Variants in ADAMTS18 observed in about 807,000 individuals in gnomAD.
The protein encoded by ADAMTS18 is A disintegrin and metalloproteinase with thrombospondin motifs 18.
In ADAMTS18, 157 loss-of-function variants were observed where a neutral mutation model predicts 165.9. That is an observed-to-expected ratio of 0.95 (90% CI 0.83 to 1.08). ADAMTS18 has a LOEUF of 1.08. ADAMTS18 is among the 50% of genes least tolerant of loss of function. The pLI is 0.00. For synonymous variants in ADAMTS18, 782 were observed against 578.2 expected (o/e 1.35, Z -5.06); for missense variants, 2,040 against 1,534.0 (o/e 1.33, Z -5.51).
At chr16:77,322,305 C>G in intron 14 of ADAMTS18, 31 bp downstream of exon 14, 1 of 1,612,670 alleles carries the variant, frequency 6.2e-7, no homozygotes, top group Non-Finnish European at 8.5e-7. Context: ...CAAGCATGCT[C>G]ATACACTCCA....
chr16:77,301,655 G>A (rs1456049319), intron 16 of ADAMTS18, among the ~76,000 whole-genome samples: 2 of 152,212 alleles, frequency 1.3e-5, no homozygotes, highest in Non-Finnish European at 2.9e-5. Context: ...TTTGGTGGGT[G>A]GCAGCTGTTC....
At chr16:77,349,525 A>T (rs867377343) in intron 10 of ADAMTS18, among the ~76,000 whole-genome samples, 1 of 38,398 alleles carries the variant, frequency 2.6e-5, no homozygotes, top group African/African-American at 1.4e-4. Flanking sequence ...CATCTTATGT[A>T]AAAAAAAAAA....
chr16:77,305,509 C>T (rs1040677983), intron 16 of ADAMTS18, among the ~76,000 whole-genome samples: 3 of 152,144 alleles, frequency 2.0e-5, no homozygotes, highest in Non-Finnish European at 4.4e-5. Flanking sequence ...AACCAAAGGG[C>T]GCTTCTAAGC....
intron 3 of ADAMTS18, among the ~76,000 whole-genome samples, chr16:77,409,003 T>C (rs762201981): frequency 1.1e-4 from 12 of 105,464 alleles, no homozygotes; most frequent in Admixed American, 5.2e-4. Flanking sequence ...AATCTCTTAC[T>C]GTGCCTAATT....
In ADAMTS18 at chr16:77,375,890, C is replaced by CTTTTTT. The variant is rs200629744; in HGVS notation, c.496-8173_496-8168dup. On this transcript the variant is annotated intron_variant, in intron 3 of 22. Coordinates refer to ENST00000282849, the MANE Select transcript of ADAMTS18 (RefSeq NM_199355.4). ...TTTTATGTCGTTTTTTCTTTCTTTC[C>CTTTTTT]TTTTTTTTTTTTTTTTTTTTTTTTT... Among the ~76,000 whole-genome samples, 129 of 93,872 alleles carry CTTTTTT rather than the reference C, an allele frequency of 1.4e-3. 3 individuals carry two copies. Among genetic ancestry groups the CTTTTTT allele is most frequent in the South Asian group, 4.4e-3 (10 of 2,280 alleles). The allele number at this position is 93,872 out of a possible 152,430, so 61.6% of individuals were successfully genotyped here.
intron 2 of ADAMTS18, among the ~76,000 whole-genome samples, chr16:77,433,173 C>A (rs1437709930): frequency 6.6e-6 from 1 of 152,168 alleles, no homozygotes; most frequent in Admixed American, 6.5e-5. Context: ...CTACCTTCTC[C>A]TTCTGTCAAA....
chr16:77,372,093 G>A (rs957715530), intron 3 of ADAMTS18, among the ~76,000 whole-genome samples: 2 of 152,126 alleles, frequency 1.3e-5, no homozygotes, highest in African/African-American at 4.8e-5. Context: ...ACCCCAATTA[G>A]AATGACTATT....
At chr16:77,421,465 C>A (rs189039826) in intron 3 of ADAMTS18, among the ~76,000 whole-genome samples, 36 of 152,342 alleles carry the variant, frequency 2.4e-4, no homozygotes, top group Admixed American at 2.0e-3. Flanking sequence ...TATATTTAGA[C>A]TTCAGATATT....
At position 77,294,904 on chromosome 16, in the gene ADAMTS18, C is replaced by T. The variant is rs775144991; in HGVS notation, c.3006+19G>A. 6.2e-7 allele frequency: 1 copy of T among 1,613,250 alleles called. No individual in the cohort carries two copies. The highest frequency in any genetic ancestry group is 2.2e-5 in the East Asian group (1 of 44,860). On this transcript the variant is annotated intron_variant, in intron 19 of 22. Transcript: ENST00000282849. ...TCATGGGGACCGAGAATAGTAACTC[C>T]CAAGTTTTCTCCTGTTACCTGAGAC... is the stretch of plus-strand genomic sequence containing the variant.
At chr16:77,409,180 T>C (rs912191836) in intron 3 of ADAMTS18, among the ~76,000 whole-genome samples, 8 of 152,164 alleles carry the variant, frequency 5.3e-5, no homozygotes, top group African/African-American at 7.2e-5. Context: ...GTACTCATTA[T>C]TTGTGTACCT....
Position 77,335,286 on chromosome 16 carries a change from A to T in ADAMTS18, c.1859+470T>A, listed in dbSNP as rs1409622188. Reference sequence around the variant, plus strand: ...TGTGAGAGCTAAAAAAAAAAAAAAAAATTGAACTCACAGAGCTAGAGCTAG... The same window carrying T: ...TGTGAGAGCTAAAAAAAAAAAAAAATATTGAACTCACAGAGCTAGAGCTAG... On this transcript the variant is annotated intron_variant, in intron 12 of 22. Transcript: ENST00000282849. Among the ~76,000 whole-genome samples the T allele has an allele frequency of 2.0e-5, 3 of 151,502 alleles. No homozygotes were observed. The East Asian group carries it at 5.8e-4, about 29-fold the overall frequency.
At chr16:77,380,765 C>G (rs1006264621) in intron 3 of ADAMTS18, among the ~76,000 whole-genome samples, 1 of 152,192 alleles carries the variant, frequency 6.6e-6, no homozygotes, top group South Asian at 2.1e-4. Context: ...ACATACCCAT[C>G]TGGGGGTCAG....
chr16:77,326,003 C>A lies in ADAMTS18; in HGVS notation c.1895G>T (p.Ser632Ile). The A allele has an allele frequency of 6.2e-7, 1 of 1,614,034 alleles. No homozygotes were observed. Among genetic ancestry groups the A allele is most frequent in the Non-Finnish European group, 8.5e-7 (1 of 1,179,974 alleles). Residue 632 changes from serine to isoleucine, a missense_variant, in exon 13 of 23, where the codon AGC becomes ATC. By Grantham distance (142) the Ser-to-Ile change is moderately radical (BLOSUM62 -2). Transcript: ENST00000282849. ...QYGGLFCPGS[S>I]RIYQLCNINP... ...AATATTGCACAGCTGATAAATACGG[C>A]TAGAACCTGGACAGAATAAGCCACC...
chr16:77,288,469 G>T (rs1209079052), intron 22 of ADAMTS18, among the ~76,000 whole-genome samples: 1 of 151,844 alleles, frequency 6.6e-6, no homozygotes, highest in East Asian at 1.9e-4. Flanking sequence ...ATATTTCCTG[G>T]CATTTGTCAG....
chr16:77,377,575 T>C (rs1015887747), intron 3 of ADAMTS18, among the ~76,000 whole-genome samples: 2 of 152,252 alleles, frequency 1.3e-5, no homozygotes, highest in African/African-American at 4.8e-5. Context: ...AGTATCATTA[T>C]TCTGTTTTTA....
chr16:77,419,776 G>A (rs970539118), intron 3 of ADAMTS18, among the ~76,000 whole-genome samples: 3 of 151,938 alleles, frequency 2.0e-5, no homozygotes, highest in Non-Finnish European at 4.4e-5. Context: ...ACAGGCAGGT[G>A]AATCATGAGG....
At chr16:77,295,352 C>T (rs190935249) in intron 18 of ADAMTS18, among the ~76,000 whole-genome samples, 1 of 152,252 alleles carries the variant, frequency 6.6e-6, no homozygotes, top group East Asian at 1.9e-4. Context: ...AATATACTCC[C>T]GCCTCTGCAT....
At chr16:77,407,629 GA>G (rs2057409829) in intron 3 of ADAMTS18, among the ~76,000 whole-genome samples, 1 of 151,994 alleles carries the variant, frequency 6.6e-6, no homozygotes. Flanking sequence ...ACAGAACTCA[GA>G]AACAAACCAA....
At chr16:77,308,576 A>T (rs1438629927) in intron 16 of ADAMTS18, among the ~76,000 whole-genome samples, 1 of 30,330 alleles carries the variant, frequency 3.3e-5, no homozygotes, top group Admixed American at 3.3e-4. Context: ...TTAGCTAATC[A>T]TGAAAAAAAA....
Sources: allele counts gnomAD v4.1 joint callset (sites outside exome capture counted in the v4.1 genomes callset), GRCh38; gene constraint gnomAD v4.1.1; transcripts MANE v1.5; gene names NCBI Gene and HGNC (gene_info 2026-07-23, HGNC 2026-07-21).